The following THSD7A variants were observed in gnomAD, a reference collection of about 807,000 sequenced individuals.
THSD7A encodes the protein thrombospondin type 1 domain containing 7A.
A neutral mutation model predicts 231.3 loss-of-function variants in THSD7A; 96 were observed. The ratio of observed to expected loss-of-function variants is 0.41; its 90% CI spans 0.35 to 0.49. The LOEUF is 0.49. Ranked by LOEUF, THSD7A falls within the 20% of genes least tolerant of loss-of-function variation. The pLI is 0.05. For missense variants in THSD7A, 2,290 were observed against 2,070.2 expected (o/e 1.11, Z -2.06); for synonymous variants, 940 against 743.3 (o/e 1.26, Z -4.30).
chr7:11,777,768 G>T (rs189609968), intron 1 of THSD7A, among the ~76,000 whole-genome samples: 2 of 152,002 alleles, frequency 1.3e-5, no homozygotes, highest in Non-Finnish European at 2.9e-5. Context: ...AAATGCTTTG[G>T]CTCACTTTTG....
chr7:11,767,158 C>G (rs1049930351), intron 1 of THSD7A, among the ~76,000 whole-genome samples: 3 of 152,100 alleles, frequency 2.0e-5, no homozygotes, highest in African/African-American at 7.2e-5. Flanking sequence ...GAGAAGTAAA[C>G]AGGGGTACAC....
At position 11,590,688 on chromosome 7, in the gene THSD7A, C is replaced by T. The variant is rs577991140; in HGVS notation, c.1272-47G>A. On this transcript the variant is annotated intron_variant, in intron 3 of 27. Transcript: ENST00000423059. This position sits in a 1 kb window ranked among gnomAD's most constrained non-coding sequence, Gnocchi z 4.4. ...AGCAGCAACCATAATTATTGAATGA[C>T]GTGTTTCTCTACTCCTGTCATACTT... 13 of 1,544,598 alleles carry T rather than the reference C, an allele frequency of 8.4e-6. No homozygotes were observed. The highest frequency in any genetic ancestry group is 2.8e-5 in the African/African-American group (2 of 72,610).
intron 1 of THSD7A, among the ~76,000 whole-genome samples, chr7:11,776,785 A>G (rs1178865927): frequency 6.6e-6 from 1 of 152,206 alleles, no homozygotes; most frequent in East Asian, 1.9e-4. Flanking sequence ...TTTTATATGA[A>G]AAACCTAACA....
intron 4 of THSD7A, among the ~76,000 whole-genome samples, chr7:11,569,394 A>G (rs1368092659): frequency 6.6e-6 from 1 of 152,216 alleles, no homozygotes; most frequent in Non-Finnish European, 1.5e-5. Flanking sequence ...TTAAAAGAAT[A>G]CATACAAATG....
intron 17 of THSD7A, 35 bp downstream of exon 17, chr7:11,417,415 A>C: frequency 6.6e-7 from 1 of 1,515,506 alleles, no homozygotes; most frequent in Non-Finnish European, 8.8e-7. Context: ...ATAATTAAAT[A>C]AACTCTACAT....
chr7:11,443,541 T>G (rs1224650941), intron 13 of THSD7A, among the ~76,000 whole-genome samples: 1 of 152,072 alleles, frequency 6.6e-6, no homozygotes, highest in Non-Finnish European at 1.5e-5. Context: ...GCATGTATAT[T>G]AACCTGAAAC....
At chr7:11,783,026 A>G (rs1783682119) in intron 1 of THSD7A, among the ~76,000 whole-genome samples, 1 of 152,136 alleles carries the variant, frequency 6.6e-6, no homozygotes, top group African/African-American at 2.4e-5. Context: ...TCTGGTGAAG[A>G]AAACATTGGT....
chr7:11,596,716 C>T (rs1202264216), intron 2 of THSD7A, among the ~76,000 whole-genome samples: 1 of 152,214 alleles, frequency 6.6e-6, no homozygotes, highest in African/African-American at 2.4e-5. Flanking sequence ...TTGGCCTGTG[C>T]AGAAGACAGA....
rs1047464860 is a variant in THSD7A, at chr7:11,371,735, G to C, written c.*4059C>G. The C allele has an allele frequency of 7.2e-6, 1 of 139,556 alleles. No homozygotes were observed. The highest frequency in any genetic ancestry group is 1.5e-5 in the Non-Finnish European group (1 of 64,914). 8.6% of individuals were successfully genotyped at this position (139,556 alleles called of 1,614,324 possible). On this transcript the variant is annotated 3_prime_UTR_variant, in exon 28 of 28. Coordinates refer to ENST00000423059, the MANE Select transcript of THSD7A (RefSeq NM_015204.3). ...AAGTGTAGGCATGGACATTTTTACA[G>C]AAAAGGGCTTTTTTTTTTTTTTTTT... is the stretch of plus-strand genomic sequence containing the variant.
chr7:11,752,484 T>C (rs1043150591), intron 1 of THSD7A, among the ~76,000 whole-genome samples: 2 of 152,090 alleles, frequency 1.3e-5, no homozygotes, highest in Non-Finnish European at 2.9e-5. Context: ...TTTTTGATAA[T>C]TGTTCATTTA....
intron 1 of THSD7A, among the ~76,000 whole-genome samples, chr7:11,762,235 G>A (rs993887462): frequency 1.3e-5 from 2 of 152,002 alleles, no homozygotes; most frequent in South Asian, 4.2e-4. Context: ...TGATAAAATG[G>A]TTTCTTTGGG....
chr7:11,786,616 G>A (rs1036847085), intron 1 of THSD7A, among the ~76,000 whole-genome samples: 4 of 151,882 alleles, frequency 2.6e-5, no homozygotes, highest in Admixed American at 1.3e-4. Context: ...TAGATGCCTC[G>A]CTCTAACTTC....
rs1394205200 is a variant in THSD7A, at chr7:11,428,788, A to G, written c.3243+159T>C. Among the ~76,000 whole-genome samples, 3 of 152,200 alleles carry G rather than the reference A, an allele frequency of 2.0e-5. No individual in the cohort carries two copies. In the East Asian group the frequency reaches 5.8e-4, roughly 29 times the overall value. On this transcript the variant is annotated intron_variant, in intron 14 of 27. Coordinates refer to ENST00000423059, the MANE Select transcript of THSD7A (RefSeq NM_015204.3). The stretch of plus-strand genomic sequence containing the variant: ...GAGAATACAGATATGTCTAATTTGA[A>G]ATTTTAATAACATGTATGTATTTAT...
intron 7 of THSD7A, 67 bp downstream of exon 7, chr7:11,481,721 C>T (rs181374415): frequency 1.4e-6 from 2 of 1,432,516 alleles, no homozygotes; most frequent in African/African-American, 2.8e-5. Flanking sequence ...CTTTTCCAGG[C>T]TACACAAAAA....
chr7:11,820,600 C>A, intron 1 of THSD7A: 1 of 732,784 alleles, frequency 1.4e-6, no homozygotes, highest in Non-Finnish European at 2.4e-6. Flanking sequence ...CTGTCCTGGC[C>A]TCTTCCTCTG....
At chr7:11,487,589 T>A (rs768349274) in intron 6 of THSD7A, among the ~76,000 whole-genome samples, 1 of 152,074 alleles carries the variant, frequency 6.6e-6, no homozygotes, top group African/African-American at 2.4e-5. Context: ...GGGTAATTTA[T>A]AAAGAAAAAG....
chr7:11,382,788 T>G (rs1019405714), intron 23 of THSD7A, among the ~76,000 whole-genome samples, 172 bp from the exon 24 acceptor site: 6 of 152,196 alleles, frequency 3.9e-5, no homozygotes, highest in Middle Eastern at 3.4e-3. Flanking sequence ...TGCAGCTATA[T>G]ACCTCAATCC....
chr7:11,674,730 A>C (rs1175473744), intron 1 of THSD7A, among the ~76,000 whole-genome samples: 1 of 152,170 alleles, frequency 6.6e-6, no homozygotes, highest in African/African-American at 2.4e-5. Context: ...GAATCAGTGC[A>C]AGAAATCCAG....
intron 4 of THSD7A, among the ~76,000 whole-genome samples, chr7:11,579,035 G>A (rs960255115): frequency 1.3e-5 from 2 of 152,074 alleles, no homozygotes; most frequent in African/African-American, 4.8e-5. Context: ...CCCAATAAGA[G>A]GCAATTTTAG....
Sources: allele counts gnomAD v4.1 joint callset (sites outside exome capture counted in the v4.1 genomes callset), GRCh38; gene constraint gnomAD v4.1.1; non-coding constraint Gnocchi (gnomAD v3.1); transcripts MANE v1.5; gene names NCBI Gene and HGNC (gene_info 2026-07-23, HGNC 2026-07-21).